The following COX7A2L variants were observed in gnomAD, a reference collection of about 807,000 sequenced individuals.
COX7A2L encodes the protein cytochrome c oxidase subunit 7A2 like, also known as cytochrome c oxidase subunit 7A2-like, mitochondrial.
COX7A2L carries 18 observed loss-of-function variants against 14.2 expected under a neutral mutation model. That is an observed-to-expected ratio of 1.27 (90% CI 0.88 to 1.88). The LOEUF is 1.88. COX7A2L is among the 40% of genes most tolerant of loss of function. COX7A2L has a pLI of 0.00. For synonymous variants in COX7A2L, 65 were observed against 57.4 expected (o/e 1.13, Z -0.60); for missense variants, 179 against 138.8 (o/e 1.29, Z -1.46).
intron 2 of COX7A2L, among the ~76,000 whole-genome samples, chr2:42,343,411 T>C (rs1439957774): frequency 6.6e-6 from 1 of 152,218 alleles, no homozygotes; most frequent in Non-Finnish European, 1.5e-5. Flanking sequence ...TGCGCACTAA[T>C]TAAATGTCTA....
At chr2:42,343,305 T>A (rs191486811) in intron 2 of COX7A2L, among the ~76,000 whole-genome samples, 1 of 152,350 alleles carries the variant, frequency 6.6e-6, no homozygotes, top group East Asian at 1.9e-4. Context: ...TTGCTAGCCA[T>A]GTGGTCTATC....
intron 2 of COX7A2L, among the ~76,000 whole-genome samples, chr2:42,341,000 G>C (rs944477782): frequency 2.2e-4 from 34 of 151,670 alleles, no homozygotes; most frequent in African/African-American, 6.3e-4. Flanking sequence ...GGGTTTGAAG[G>C]GCCTCAAGTG....
rs755650234 is a variant in COX7A2L, at chr2:42,351,378, CA to C, written c.205-20del. The C allele has an allele frequency of 1.2e-6, 2 of 1,612,048 alleles. No homozygotes were observed. The highest frequency in any genetic ancestry group is 2.2e-5 in the South Asian group (2 of 90,430). On this transcript the variant is annotated intron_variant, in intron 2 of 2. Coordinates refer to ENST00000234301, the MANE Select transcript of COX7A2L (RefSeq NM_004718.4). ...CAGCTTTCTTGAAAGCAAGAATTAA[CA>C]AGGGCATGGTTGAGAAGAAAAATAT...
At chr2:42,345,952 A>G (rs1670488934), downstream of COX7A2L, among the ~76,000 whole-genome samples, 1 of 152,198 alleles carries the variant, frequency 6.6e-6, no homozygotes, top group South Asian at 2.1e-4. Flanking sequence ...CTCTGAGTAA[A>G]CAAACCAACC....
chr2:42,345,573 A>T (rs2103879277), downstream of COX7A2L, among the ~76,000 whole-genome samples: 1 of 152,284 alleles, frequency 6.6e-6, no homozygotes, highest in African/African-American at 2.4e-5. Flanking sequence ...TTCACTCTCC[A>T]GGGCAACACC....
At chr2:42,357,765 T>C (rs2103904285) in intron 1 of COX7A2L, among the ~76,000 whole-genome samples, 1 of 152,162 alleles carries the variant, frequency 6.6e-6, no homozygotes, top group East Asian at 1.9e-4. Context: ...GCTGAAGCCC[T>C]CCCTCCTCAT....
chr2:42,367,364 G>A (rs1671184405), intron 1 of COX7A2L, among the ~76,000 whole-genome samples: 1 of 152,208 alleles, frequency 6.6e-6, no homozygotes, highest in Non-Finnish European at 1.5e-5. Context: ...ACCAGCGTGT[G>A]TCCACTAGTG....
rs1198522735 is a variant in COX7A2L at position 42,342,174 on chromosome 2, G to C, written c.193-8305C>G. ...GAGCAACCACGCTGCCTCCATGCTT[G>C]AGCTCAGGGCTCCACACTCACAACT... On this transcript the variant is annotated intron_variant, in intron 2 of 2. Coordinates refer to the COX7A2L transcript ENST00000468711. This position sits in a 1 kb window ranked among gnomAD's most constrained non-coding sequence, Gnocchi z 4.9. Among the ~76,000 whole-genome samples, 1 of 152,104 alleles carries C rather than the reference G, an allele frequency of 6.6e-6. No homozygotes were observed. The highest frequency in any genetic ancestry group is 1.9e-4 in the East Asian group (1 of 5,178).
In COX7A2L at chr2:42,351,261, G is replaced by A; in HGVS notation, c.303C>T (p.Cys101=). 3 of 1,614,180 alleles carry A rather than the reference G, an allele frequency of 1.9e-6. No individual in the cohort carries two copies. The South Asian group carries it at 3.3e-5, about 18-fold the overall frequency. The part of the protein sequence containing the change: ...MALTVGGTIY[C]LIALYMASQP... ...GCGAAGCCATGTAGAGGGCGATCAG[G>A]CAGTAGATGGTCCCTCCCACAGTCA... is the stretch of plus-strand genomic sequence containing the variant. Residue 101 remains cysteine, a synonymous_variant, in exon 3 of 3, where the codon TGC becomes TGT. Coordinates refer to ENST00000234301, the MANE Select transcript of COX7A2L (RefSeq NM_004718.4).
In COX7A2L at chr2:42,360,966, AAGG is replaced by A. The variant is rs760350506; in HGVS notation, c.72+121_72+123del. The A allele has an allele frequency of 6.5e-4, 629 of 974,368 alleles. 1 individual carries two copies. The highest frequency in any genetic ancestry group is 9.0e-4 in the Non-Finnish European group (563 of 625,064). 60.4% of individuals were successfully genotyped at this position (974,368 alleles called of 1,614,324 possible). On this transcript the variant is annotated intron_variant, in intron 1 of 2. Coordinates refer to ENST00000234301, the MANE Select transcript of COX7A2L (RefSeq NM_004718.4). The stretch of plus-strand genomic sequence containing the variant: ...GGTGTGGAGAGGCCCCGGGAGGTGC[AAGG>A]AGAACAGAGACGAACTCGACCGCGG...
Position 42,349,743 on chromosome 2 carries a change from G to C in COX7A2L, c.*1476C>G, listed in dbSNP as rs1670580516. ...TATAAATGTTAACTTTATTGAGTCTGACAACTGCATTATGGTTATAAAGGA... is the reference window on the plus strand; with the variant it reads ...TATAAATGTTAACTTTATTGAGTCTCACAACTGCATTATGGTTATAAAGGA... On this transcript the variant is annotated 3_prime_UTR_variant, in exon 3 of 3. Transcript: ENST00000234301. The C allele has an allele frequency of 6.6e-6, 1 of 152,166 alleles. No homozygotes were observed. Among genetic ancestry groups the C allele is most frequent in the African/African-American group, 2.4e-5 (1 of 41,434 alleles). 9.4% of individuals were successfully genotyped at this position (152,166 alleles called of 1,614,324 possible).
chr2:42,342,320 C>T lies in COX7A2L; in HGVS notation c.193-8451G>A, dbSNP rs895461682. Among the ~76,000 whole-genome samples the T allele has an allele frequency of 1.3e-5, 2 of 152,206 alleles. No individual in the cohort carries two copies. Among genetic ancestry groups the T allele is most frequent in the East Asian group, 1.9e-4 (1 of 5,170 alleles). ...CTCCCTCTCCCTAGGAGAGCTGAGA[C>T]GAGGGACTTGAGCTCTCTGCTTGGC... On this transcript the variant is annotated intron_variant, in intron 2 of 2. Transcript: ENST00000468711. This position sits in a 1 kb window ranked among gnomAD's most constrained non-coding sequence, Gnocchi z 4.9.
intron 1 of COX7A2L, among the ~76,000 whole-genome samples, chr2:42,354,669 A>T (rs575596387): frequency 1.1e-4 from 16 of 152,352 alleles, no homozygotes; most frequent in Admixed American, 2.6e-4. Context: ...ATTAAAGTAA[A>T]CTTGGCTTCT....
downstream of COX7A2L, among the ~76,000 whole-genome samples, chr2:42,344,449 C>T (rs971945730): frequency 6.6e-6 from 1 of 152,204 alleles, no homozygotes; most frequent in Non-Finnish European, 1.5e-5. Flanking sequence ...GTTTAAATTT[C>T]CTGTGACCAT....
At chr2:42,355,755 T>C (rs1458832696) in intron 1 of COX7A2L, among the ~76,000 whole-genome samples, 1 of 122,236 alleles carries the variant, frequency 8.2e-6, no homozygotes, top group African/African-American at 3.2e-5. Flanking sequence ...AGACGGAATC[T>C]CGCTCTGTTG....
At chr2:42,363,051 T>C (rs574415459), upstream of COX7A2L, among the ~76,000 whole-genome samples, 2 of 151,980 alleles carry the variant, frequency 1.3e-5, no homozygotes, top group South Asian at 4.2e-4. Flanking sequence ...ATTTTTTGTA[T>C]TTTTAGTAGA....
At chr2:42,358,534 C>A (rs1298286896) in intron 1 of COX7A2L, among the ~76,000 whole-genome samples, 1 of 152,206 alleles carries the variant, frequency 6.6e-6, no homozygotes, top group Non-Finnish European at 1.5e-5. Flanking sequence ...AAAGTCAGAG[C>A]ACCTAGTTGG....
intron 1 of COX7A2L, among the ~76,000 whole-genome samples, chr2:42,367,197 T>C (rs1012484009): frequency 7.9e-5 from 12 of 152,168 alleles, no homozygotes; most frequent in Non-Finnish European, 4.4e-5. Context: ...GGGTGACAAG[T>C]ACATAGGCTG....
intron 2 of COX7A2L, among the ~76,000 whole-genome samples, chr2:42,337,668 T>C (rs1235829656): frequency 2.0e-5 from 3 of 152,140 alleles, no homozygotes; most frequent in Non-Finnish European, 2.9e-5. Context: ...ACGTAAGATC[T>C]CACCACTGGG....
Sources: gnomAD v4.1 joint callset for allele counts (sites outside exome capture counted in the v4.1 genomes callset) on GRCh38, gnomAD v4.1.1 for gene constraint, Gnocchi (gnomAD v3.1) non-coding constraint, MANE v1.5 for transcripts, NCBI Gene and HGNC (gene_info 2026-07-23, HGNC 2026-07-21) for gene names.